JARID2: variants seen among roughly 807,000 people sequenced by gnomAD.
JARID2 encodes protein Jumonji.
A neutral mutation model predicts 125.6 loss-of-function variants in JARID2; 21 were observed. The observed-to-expected ratio is 0.17, with a 90% CI of 0.12 to 0.24. JARID2 has a LOEUF of 0.24. Ranked by LOEUF, JARID2 falls within the 10% of genes least tolerant of loss-of-function variation. The probability of loss-of-function intolerance (pLI) is 1.00; values close to 1 mark genes in which losing one functional copy is unlikely to be tolerated. For synonymous variants in JARID2, 736 were observed against 661.6 expected (o/e 1.11, Z -1.73); for missense variants, 1,303 against 1,639.6 (o/e 0.79, Z 3.55).
chr6:15,469,222 T>C (rs376064335), intron 5 of JARID2, among the ~76,000 whole-genome samples: 3 of 151,466 alleles, frequency 2.0e-5, no homozygotes, highest in South Asian at 2.1e-4. Context: ...ACTCATCTTA[T>C]GTGGATAAGT....
At chr6:15,257,095 T>G (rs186248933) in intron 1 of JARID2, among the ~76,000 whole-genome samples, 1 of 152,162 alleles carries the variant, frequency 6.6e-6, no homozygotes, top group Non-Finnish European at 1.5e-5. Flanking sequence ...GGGCATGAAA[T>G]CCAGGTCCTG....
In JARID2 at chr6:15,487,505, C is replaced by A; in HGVS notation, c.869C>A (p.Pro290His). ...GGGCTTGCTGCCACCCATCACCACC[C>A]CCCTCTGCATCGGTCGGCTCAGGAC... The part of the protein sequence containing the change: ...AKGLAATHHH[P>H]PLHRSAQDLR... The change falls in exon 6 of 18, where the codon CCC (proline) becomes CAC (histidine). Residue 290 changes from proline (P) to histidine (H), a missense_variant. Coordinates refer to ENST00000341776, the MANE Select transcript of JARID2 (RefSeq NM_004973.4). 2 of 1,613,938 alleles carry A rather than the reference C, an allele frequency of 1.2e-6. No homozygotes were observed. The highest frequency in any genetic ancestry group is 1.7e-6 in the Non-Finnish European group (2 of 1,179,894).
intron 1 of JARID2, among the ~76,000 whole-genome samples, chr6:15,261,177 C>T (rs1759857331): frequency 6.6e-6 from 1 of 152,294 alleles, no homozygotes; most frequent in African/African-American, 2.4e-5. Context: ...CCTATTACTA[C>T]TCCCTTTGTA....
chr6:15,323,954 G>C (rs994986282), intron 1 of JARID2, among the ~76,000 whole-genome samples: 2 of 151,532 alleles, frequency 1.3e-5, no homozygotes, highest in African/African-American at 4.9e-5. Context: ...AGGCTGAGGC[G>C]GGCGGATCAC....
At chr6:15,446,709 G>C (rs1001408045) in intron 3 of JARID2, among the ~76,000 whole-genome samples, 3 of 152,130 alleles carry the variant, frequency 2.0e-5, no homozygotes, top group Non-Finnish European at 2.9e-5. Flanking sequence ...CTTTTATTTT[G>C]AGACAGCTTA....
At chr6:15,481,303 T>C (rs1281929865) in intron 5 of JARID2, among the ~76,000 whole-genome samples, 2 of 152,250 alleles carry the variant, frequency 1.3e-5, no homozygotes, top group African/African-American at 2.4e-5. Flanking sequence ...TTTCCTAATA[T>C]GGTTCACAGT....
At chr6:15,480,640 G>C (rs143704450) in intron 5 of JARID2, among the ~76,000 whole-genome samples, 6 of 152,136 alleles carry the variant, frequency 3.9e-5, no homozygotes, top group Admixed American at 2.0e-4. Context: ...AAGAGCTTTC[G>C]AAAAGATCAT....
intron 1 of JARID2, among the ~76,000 whole-genome samples, chr6:15,329,382 G>A (rs759653238): frequency 6.6e-6 from 1 of 152,116 alleles, no homozygotes; most frequent in Non-Finnish European, 1.5e-5. Context: ...GGTTTATAGG[G>A]AGAGTTGACA....
At chr6:15,507,752 G>C (rs952387888) in intron 11 of JARID2, among the ~76,000 whole-genome samples, 1 of 152,154 alleles carries the variant, frequency 6.6e-6, no homozygotes, top group East Asian at 1.9e-4. Context: ...TCTCAGGATG[G>C]TCAGTAGGCT....
rs778747020 is a variant in JARID2 at position 15,246,399 on chromosome 6, GA to G, written c.-139del. On this transcript the variant is annotated 5_prime_UTR_variant, in exon 1 of 18. Transcript: ENST00000341776. The stretch of plus-strand genomic sequence containing the variant: ...TTTCAAGGCGAATCTGGCTTTGGGG[GA>G]AGAGGAAGAAAAGTCGGATTACAAG... 11 of 634,282 alleles carry G rather than the reference GA, an allele frequency of 1.7e-5. No homozygotes were observed. The highest frequency in any genetic ancestry group is 2.5e-5 in the Non-Finnish European group (9 of 362,108). 39.3% of individuals were successfully genotyped at this position (634,282 alleles called of 1,614,324 possible). A position where few individuals can be genotyped will look rare whatever the true frequency, so the allele number is the denominator to read the frequency against.
At chr6:15,512,167 C>T (rs759380860) in intron 13 of JARID2, 41 bp from the exon 14 acceptor site, 49 of 1,572,942 alleles carry the variant, frequency 3.1e-5, no homozygotes, top group East Asian at 4.5e-5. Context: ...GGTGTCCCTG[C>T]GCACAGGGAG....
At chr6:15,462,764 A>G (rs1768513203) in intron 4 of JARID2, among the ~76,000 whole-genome samples, 1 of 152,220 alleles carries the variant, frequency 6.6e-6, no homozygotes, top group Admixed American at 6.5e-5. Flanking sequence ...TCGCTGCTTA[A>G]GATCAAGAAC....
At chr6:15,518,356 T>C (rs898129735) in intron 17 of JARID2, among the ~76,000 whole-genome samples, 11 of 152,302 alleles carry the variant, frequency 7.2e-5, no homozygotes, top group African/African-American at 2.4e-4. Flanking sequence ...AGAATGGCAT[T>C]CAGGGGCTGT....
intron 3 of JARID2, among the ~76,000 whole-genome samples, chr6:15,429,990 C>T (rs1766902288): frequency 6.6e-6 from 1 of 152,156 alleles, no homozygotes; most frequent in Non-Finnish European, 1.5e-5. Flanking sequence ...GAATTGCTAG[C>T]AGCCCTCTCT....
At position 15,283,475 on chromosome 6, in the gene JARID2, G is replaced by A. The variant is rs539723699; in HGVS notation, c.45+36891G>A. ...CCTGCCTCAGCCTCCCGAGTAGCTG[G>A]GACTACAGGCATGCACCAGCTACGC... On this transcript the variant is annotated intron_variant, in intron 1 of 17. Coordinates refer to ENST00000341776, the MANE Select transcript of JARID2 (RefSeq NM_004973.4). 1.3e-3 allele frequency among the ~76,000 whole-genome samples: 189 copies of A among 146,960 alleles called. 1 individual carries two copies. The highest frequency in any genetic ancestry group is 2.1e-3 in the Non-Finnish European group (140 of 66,984).
chr6:15,496,900 G>A lies in JARID2; in HGVS notation c.1675G>A (p.Val559Ile), dbSNP rs557857812. ...AGWAAMDEIPVLRPSAKEFHD... is the reference protein window; with the variant it reads ...AGWAAMDEIPILRPSAKEFHD... ...GTGGGCGGCCATGGACGAGATCCCC[G>A]TCCTCAGGCCCTCCGCCAAGGAGTT... Residue 559 changes from valine (V) to isoleucine (I), a missense_variant, in exon 7 of 18, where the codon GTC (valine) becomes ATC (isoleucine). Transcript: ENST00000341776. 131 of 1,601,464 alleles carry A rather than the reference G, an allele frequency of 8.2e-5. 2 individuals are homozygous for A. In the South Asian group the frequency reaches 8.7e-4, roughly 11 times the overall value.
At position 15,416,754 on chromosome 6, in the gene JARID2, T is replaced by C. The variant is rs532638039; in HGVS notation, c.323+6389T>C. Among the ~76,000 whole-genome samples the C allele has an allele frequency of 1.1e-4, 16 of 151,500 alleles. 1 individual carries two copies. The highest frequency in any genetic ancestry group is 4.2e-4 in the South Asian group (2 of 4,804). ...AGGGAGAGGGAGAGGGGCTAACTTATATTGTTTAGAATGGAACCATTACAG... is the reference window on the plus strand; with the variant it reads ...AGGGAGAGGGAGAGGGGCTAACTTACATTGTTTAGAATGGAACCATTACAG... On this transcript the variant is annotated intron_variant, in intron 3 of 17. Transcript: ENST00000341776.
chr6:15,288,565 A>G (rs1233266795), intron 1 of JARID2, among the ~76,000 whole-genome samples: 3 of 152,214 alleles, frequency 2.0e-5, no homozygotes, highest in Non-Finnish European at 4.4e-5. Flanking sequence ...GGAATATAAG[A>G]TCCACAAGGG....
At chr6:15,517,732 C>T (rs1771633268) in intron 17 of JARID2, among the ~76,000 whole-genome samples, 1 of 152,210 alleles carries the variant, frequency 6.6e-6, no homozygotes, top group South Asian at 2.1e-4. Flanking sequence ...TGCCTTCCTG[C>T]AGGTGCCACG....
Sources: gnomAD v4.1 joint callset for allele counts (sites outside exome capture counted in the v4.1 genomes callset) on GRCh38, gnomAD v4.1.1 for gene constraint, MANE v1.5 for transcripts, NCBI Gene and HGNC (gene_info 2026-07-23, HGNC 2026-07-21) for gene names.